The following GAD2 variants were observed in gnomAD, a reference collection of about 807,000 sequenced individuals.
GAD2 encodes the protein 65 kDa glutamic acid decarboxylase.
GAD2 carries 22 observed loss-of-function variants against 80.1 expected under a neutral mutation model. The ratio of observed to expected loss-of-function variants is 0.27; its 90% CI spans 0.20 to 0.39. The LOEUF (loss-of-function observed/expected upper bound fraction) is 0.39. GAD2 is among the 10% of genes least tolerant of loss of function. The probability of loss-of-function intolerance (pLI) is 1.00; values close to 1 mark genes in which losing one functional copy is unlikely to be tolerated. For missense variants in GAD2, 624 were observed against 738.4 expected, an observed-to-expected ratio of 0.85 and a Z score of 1.80; for synonymous variants, 274 against 256.9, an observed-to-expected ratio of 1.07 and a Z score of -0.64.
At chr10:26,230,425 TTTTGTTTGTTTG>T (rs113492564) in intron 7 of GAD2, among the ~76,000 whole-genome samples, 1 of 151,692 alleles carries the variant, frequency 6.6e-6, no homozygotes, top group South Asian at 2.1e-4. Flanking sequence ...CCTTGAGCCT[TTTTGTTTGTTTG>T]TTTGTTTGTT....
intron 4 of GAD2, among the ~76,000 whole-genome samples, chr10:26,221,411 T>G (rs972305533): frequency 2.0e-5 from 3 of 152,198 alleles, no homozygotes; most frequent in Admixed American, 2.0e-4. Flanking sequence ...CACGGAAAAC[T>G]GAGCAGAGAA....
chr10:26,300,961 A>G lies in GAD2; in HGVS notation c.1758A>G (p.Ter586=), dbSNP rs758198988. The change falls in exon 16 of 16, where the codon TAA becomes TAG. Residue 586 remains the stop codon, a stop_retained_variant. Coordinates refer to ENST00000376261, the MANE Select transcript of GAD2 (RefSeq NM_001134366.2). The part of the protein sequence containing the change: ...EEIERLGQDL[*] ...TAGAACGCCTTGGACAAGATTTATA[A>G]TAACCTTGCTCACCAAGCTGTTCCA... The G allele has an allele frequency of 1.9e-6, 3 of 1,612,754 alleles. No individual in the cohort carries two copies. The Admixed American group carries it at 5.0e-5, about 27-fold the overall frequency.
At chr10:26,298,469 G>A (rs1367108975) in intron 15 of GAD2, among the ~76,000 whole-genome samples, 2 of 152,160 alleles carry the variant, frequency 1.3e-5, no homozygotes, top group African/African-American at 4.8e-5. Context: ...GAACTGAGGG[G>A]ATTCAATCTT....
At chr10:26,258,974 T>A (rs1173692891) in intron 8 of GAD2, among the ~76,000 whole-genome samples, 1 of 152,090 alleles carries the variant, frequency 6.6e-6, no homozygotes, top group African/African-American at 2.4e-5. Flanking sequence ...CACGCCACCA[T>A]GCCTAGCTAA....
At chr10:26,278,522 C>T (rs1425185155) in intron 11 of GAD2, among the ~76,000 whole-genome samples, 3 of 152,156 alleles carry the variant, frequency 2.0e-5, no homozygotes, top group Non-Finnish European at 2.9e-5. Flanking sequence ...GAAACCTGAA[C>T]GCAAACCCAT....
At chr10:26,260,520 C>T (rs551779018) in intron 8 of GAD2, among the ~76,000 whole-genome samples, 10 of 152,098 alleles carry the variant, frequency 6.6e-5, no homozygotes, top group African/African-American at 1.4e-4. Context: ...CCCAGCTACT[C>T]GGGAGGCTGA....
intron 8 of GAD2, among the ~76,000 whole-genome samples, chr10:26,254,041 A>AATTT (rs1844914716): frequency 6.6e-6 from 1 of 151,888 alleles, no homozygotes. Context: ...TGAATTAATT[A>AATTT]ATTTATTTAT....
chr10:26,260,496 C>T (rs570138440), intron 8 of GAD2, among the ~76,000 whole-genome samples: 3 of 152,108 alleles, frequency 2.0e-5, no homozygotes, highest in South Asian at 4.2e-4. Context: ...GGTGTGATGG[C>T]GCGTGGCTGT....
intron 13 of GAD2, among the ~76,000 whole-genome samples, chr10:26,290,372 A>G (rs979522164): frequency 5.9e-5 from 9 of 152,218 alleles, no homozygotes; most frequent in African/African-American, 2.2e-4. Flanking sequence ...AAGAATCAAG[A>G]TGATTCACAA....
In GAD2 at chr10:26,304,301, T is replaced by C. The variant is rs1834358661; in HGVS notation, c.*3340T>C. 1 of 152,796 alleles carries C rather than the reference T, an allele frequency of 6.5e-6. No individual in the cohort carries two copies. The highest frequency in any genetic ancestry group is 3.4e-3 in the Middle Eastern group (1 of 294). The allele number at this position is 152,796 out of a possible 1,614,324, so 9.5% of individuals were successfully genotyped here. ...GGGTATCATTTTGCACGTGCTCTTCTGTTCTCAAATGCTAAATGCAAACAC... is the reference window on the plus strand; with the variant it reads ...GGGTATCATTTTGCACGTGCTCTTCCGTTCTCAAATGCTAAATGCAAACAC... On this transcript the variant is annotated 3_prime_UTR_variant, in exon 16 of 16. Coordinates refer to ENST00000376261, the MANE Select transcript of GAD2 (RefSeq NM_001134366.2).
chr10:26,280,929 A>G, intron 11 of GAD2, 80 bp from the exon 12 acceptor site: 1 of 852,300 alleles, frequency 1.2e-6, no homozygotes. Context: ...AAACAATACC[A>G]AGAAACTGAA....
At chr10:26,270,934 G>A (rs185817305) in intron 10 of GAD2, among the ~76,000 whole-genome samples, 178 bp downstream of exon 10, 27 of 152,216 alleles carry the variant, frequency 1.8e-4, no homozygotes, top group East Asian at 1.7e-3. Flanking sequence ...AGTACACACC[G>A]TGCACCAGAA....
intron 9 of GAD2, 56 bp from the exon 10 acceptor site, chr10:26,270,584 T>G (rs756042762): frequency 3.1e-6 from 4 of 1,290,094 alleles, no homozygotes; most frequent in Non-Finnish European, 4.5e-6. Context: ...GAATCAGCTT[T>G]TTAAAAGAAC....
chr10:26,281,635 C>T (rs1845273281), intron 12 of GAD2, among the ~76,000 whole-genome samples: 1 of 152,108 alleles, frequency 6.6e-6, no homozygotes, highest in Admixed American at 6.5e-5. Flanking sequence ...GAAGCTGCAT[C>T]CTTATTAACC....
rs1218101121 is a variant in GAD2 at position 26,252,347 on chromosome 10, C to CT, written c.920+6354dup. ...GATCCTGCGAGGTACATTTTTTTTTCTTTTTTTCTTTTTGAGACAAGGTCT... is the reference window on the plus strand; with the variant it reads ...GATCCTGCGAGGTACATTTTTTTTTCTTTTTTTTCTTTTTGAGACAAGGTCT... On this transcript the variant is annotated intron_variant, in intron 8 of 15. Transcript: ENST00000376261. Among the ~76,000 whole-genome samples the CT allele has an allele frequency of 1.2e-3, 185 of 150,104 alleles. 1 individual carries two copies. The highest frequency in any genetic ancestry group is 2.5e-3 in the African/African-American group (103 of 40,588).
chr10:26,284,169 C>G (rs913629364), intron 12 of GAD2, among the ~76,000 whole-genome samples: 8 of 152,100 alleles, frequency 5.3e-5, no homozygotes, highest in African/African-American at 1.9e-4. Context: ...TTATTGGCAT[C>G]CAAGGAATAA....
intron 4 of GAD2, among the ~76,000 whole-genome samples, chr10:26,219,768 C>G (rs2132269396): frequency 6.6e-6 from 1 of 152,290 alleles, no homozygotes; most frequent in Non-Finnish European, 1.5e-5. Flanking sequence ...CACATTGTGT[C>G]AAATGGCCAA....
intron 15 of GAD2, among the ~76,000 whole-genome samples, chr10:26,297,343 C>A (rs1279875153): frequency 6.6e-6 from 1 of 152,204 alleles, no homozygotes; most frequent in Non-Finnish European, 1.5e-5. Context: ...AAATACATTT[C>A]TGTGATATCT....
intron 15 of GAD2, among the ~76,000 whole-genome samples, chr10:26,293,494 A>G (rs1834241478): frequency 6.6e-6 from 1 of 152,122 alleles, no homozygotes; most frequent in Non-Finnish European, 1.5e-5. Context: ...GACTTTTAAC[A>G]ACTCTATTTG....
Sources: gnomAD v4.1 joint callset for allele counts (sites outside exome capture counted in the v4.1 genomes callset) on GRCh38, gnomAD v4.1.1 for gene constraint, MANE v1.5 for transcripts, NCBI Gene and HGNC (gene_info 2026-07-23, HGNC 2026-07-21) for gene names.